The following LRP1B variants were observed in gnomAD, a reference collection of about 807,000 sequenced individuals.
The protein encoded by LRP1B is low-density lipoprotein receptor-related protein 1B.
Under a neutral mutation model 556.6 loss-of-function variants are expected in LRP1B, and 217 were observed. The ratio of observed to expected loss-of-function variants is 0.39; its 90% CI spans 0.35 to 0.44. LRP1B has a LOEUF of 0.44. LRP1B is among the 20% of genes least tolerant of loss of function. The probability of loss-of-function intolerance (pLI) is 1.00; values close to 1 mark genes in which losing one functional copy is unlikely to be tolerated. For missense variants in LRP1B, 5,053 were observed against 5,620.8 expected, an observed-to-expected ratio of 0.90 and a Z score of 3.23; for synonymous variants, 2,047 against 1,865.8, an observed-to-expected ratio of 1.10 and a Z score of -2.50.
chr2:141,122,502 C>T (rs1343852373), intron 7 of LRP1B, among the ~76,000 whole-genome samples: 1 of 151,416 alleles, frequency 6.6e-6, no homozygotes, highest in Non-Finnish European at 1.5e-5. Context: ...TGAAAAAATG[C>T]TCATCATCAC....
rs1401498782 is a variant in LRP1B, at chr2:141,062,338, T to C, written c.1014-65A>G. The C allele has an allele frequency of 2.8e-5, 30 of 1,082,224 alleles. No homozygotes were observed. In the South Asian group the frequency reaches 4.3e-4, roughly 16 times the overall value. The allele number at this position is 1,082,224 out of a possible 1,614,324, so 67.0% of individuals were successfully genotyped here. A position where few individuals can be genotyped will look rare whatever the true frequency, so the allele number is the denominator to read the frequency against. ...GAGGGAAGCACGTTTGATGGAGCCA[T>C]CTGTAAAAAACAGAACTTTTTCTTC... is the stretch of plus-strand genomic sequence containing the variant. On this transcript the variant is annotated intron_variant, in intron 7 of 90. Transcript: ENST00000389484.
At chr2:141,382,773 CA>C (rs1689687350) in intron 3 of LRP1B, among the ~76,000 whole-genome samples, 1 of 152,108 alleles carries the variant, frequency 6.6e-6, no homozygotes. Context: ...TCTGGGTTGC[CA>C]GGTGGTTGTT....
intron 2 of LRP1B, among the ~76,000 whole-genome samples, chr2:141,520,392 A>T (rs1004928691): frequency 6.6e-6 from 1 of 152,244 alleles, no homozygotes; most frequent in African/African-American, 2.4e-5. Flanking sequence ...CTTAAAACAG[A>T]TGGATTTCAA....
chr2:140,893,755 A>T (rs1025130956), intron 23 of LRP1B, among the ~76,000 whole-genome samples: 4 of 152,088 alleles, frequency 2.6e-5, no homozygotes, highest in Non-Finnish European at 5.9e-5. Flanking sequence ...AGAATGTGAA[A>T]GATATTGTTA....
At chr2:141,300,536 C>G (rs1409265155) in intron 3 of LRP1B, among the ~76,000 whole-genome samples, 1 of 152,128 alleles carries the variant, frequency 6.6e-6, no homozygotes, top group Admixed American at 6.6e-5. Context: ...AATTGATAGC[C>G]TCAATGTTGA....
chr2:141,329,622 T>C (rs1226215088), intron 3 of LRP1B, among the ~76,000 whole-genome samples: 1 of 135,958 alleles, frequency 7.4e-6, no homozygotes, highest in African/African-American at 2.8e-5. Context: ...CCAGCCTGGG[T>C]GACAGAGCGA....
At chr2:140,677,845 C>T (rs1685725132) in intron 41 of LRP1B, among the ~76,000 whole-genome samples, 1 of 140,952 alleles carries the variant, frequency 7.1e-6, no homozygotes, top group South Asian at 2.2e-4. Flanking sequence ...TATTGCACTC[C>T]AGTCTGGGCA....
intron 32 of LRP1B, among the ~76,000 whole-genome samples, chr2:140,788,616 T>G (rs1689995911): frequency 6.6e-6 from 1 of 152,202 alleles, no homozygotes; most frequent in South Asian, 2.1e-4. Context: ...GTTAAAAAAA[T>G]TAATCTTTAT....
intron 20 of LRP1B, among the ~76,000 whole-genome samples, chr2:140,936,873 C>T (rs1208025149): frequency 6.6e-6 from 1 of 152,052 alleles, no homozygotes; most frequent in African/African-American, 2.4e-5. Context: ...ATTGTGTTTT[C>T]TGGCATTAAA....
intron 1 of LRP1B, among the ~76,000 whole-genome samples, chr2:141,970,554 C>T (rs1033717273): frequency 3.3e-5 from 5 of 151,498 alleles, no homozygotes; most frequent in African/African-American, 1.2e-4. Context: ...CTTTCAGATC[C>T]ATAATACAGT....
chr2:141,082,241 G>A lies in LRP1B; in HGVS notation c.1014-19968C>T, dbSNP rs951177799. 3.9e-5 allele frequency among the ~76,000 whole-genome samples: 6 copies of A among 152,180 alleles called. No homozygotes were observed. In the South Asian group the frequency reaches 6.2e-4, roughly 16 times the overall value. On this transcript the variant is annotated intron_variant, in intron 7 of 90. Coordinates refer to ENST00000389484, the MANE Select transcript of LRP1B (RefSeq NM_018557.3). ...AAGAGTAGTGAAATGCCAAGTCAAT[G>A]TGCATAAACTGTAGGAAAATCTCAA...
chr2:140,312,047 G>C lies in LRP1B; in HGVS notation c.12805+2888C>G, dbSNP rs186814059. ...CAGAAAACCCTTGAATGAATGAGAA[G>C]GAATGCTCTTTACTTCCGGGGGAAA... On this transcript the variant is annotated intron_variant, in intron 83 of 90. Coordinates refer to ENST00000389484, the MANE Select transcript of LRP1B (RefSeq NM_018557.3). 2.7e-3 allele frequency among the ~76,000 whole-genome samples: 415 copies of C among 151,836 alleles called. 3 individuals are homozygous for C. Among genetic ancestry groups the C allele is most frequent in the East Asian group, 0.019 (97 of 5,172 alleles).
chr2:140,797,926 G>A (rs915401080), intron 32 of LRP1B, among the ~76,000 whole-genome samples: 4 of 152,148 alleles, frequency 2.6e-5, no homozygotes, highest in South Asian at 4.2e-4. Flanking sequence ...GACTCACTCC[G>A]GACTTCCTTC....
chr2:140,605,884 G>A (rs502443), intron 41 of LRP1B, among the ~76,000 whole-genome samples: 93,313 of 151,730 alleles, frequency 0.61, 29,067 homozygotes, highest in Non-Finnish European at 0.65. Context: ...AAAACCCGAG[G>A]CTCGTATTAT....
At chr2:140,266,149 T>C (rs1341988500) in intron 86 of LRP1B, among the ~76,000 whole-genome samples, 1 of 151,922 alleles carries the variant, frequency 6.6e-6, no homozygotes, top group African/African-American at 2.4e-5. Context: ...TTTTTTTTTG[T>C]TTAATTCATA....
chr2:141,233,566 T>C (rs1400286017), intron 5 of LRP1B, among the ~76,000 whole-genome samples: 1 of 152,174 alleles, frequency 6.6e-6, no homozygotes, highest in East Asian at 1.9e-4. Context: ...AAAATACCTA[T>C]TTAAATTCAA....
intron 41 of LRP1B, among the ~76,000 whole-genome samples, chr2:140,685,971 C>T (rs180855436): frequency 9.2e-5 from 14 of 152,168 alleles, no homozygotes; most frequent in South Asian, 6.2e-4. Context: ...AGGGAAATCA[C>T]TGTGGGCTGC....
chr2:141,340,290 C>A (rs1293327716), intron 3 of LRP1B, among the ~76,000 whole-genome samples: 2 of 152,218 alleles, frequency 1.3e-5, no homozygotes, highest in African/African-American at 4.8e-5. Context: ...GTGAGAAGCA[C>A]CAGGCAGCAC....
intron 35 of LRP1B, among the ~76,000 whole-genome samples, chr2:140,737,708 T>G (rs1039254338): frequency 2.0e-5 from 3 of 151,712 alleles, no homozygotes; most frequent in African/African-American, 4.8e-5. Context: ...AGCATGGGGG[T>G]GGATAGAGGA....
Sources: allele counts gnomAD v4.1 joint callset (sites outside exome capture counted in the v4.1 genomes callset), GRCh38; gene constraint gnomAD v4.1.1; transcripts MANE v1.5; gene names NCBI Gene and HGNC (gene_info 2026-07-23, HGNC 2026-07-21).